The following ADARB2 variants were observed in gnomAD, a reference collection of about 807,000 sequenced individuals.
ADARB2 encodes inactive double-stranded RNA-specific editase B2.
ADARB2 carries 25 observed loss-of-function variants against 62.2 expected under a neutral mutation model. That is an observed-to-expected ratio of 0.40 (90% confidence interval 0.29 to 0.56). The LOEUF (loss-of-function observed/expected upper bound fraction) is 0.56, where lower values mean the gene tolerates loss of function less well. Ranked by LOEUF, ADARB2 falls within the 20% of genes least tolerant of loss-of-function variation. ADARB2 has a pLI of 0.43. For missense variants in ADARB2, 1,071 were observed against 1,077.4 expected, an observed-to-expected ratio of 0.99 and a Z score of 0.08; for synonymous variants, 572 against 500.8, an observed-to-expected ratio of 1.14 and a Z score of -1.90.
At chr10:1,226,820 A>G (rs1478641964) in intron 6 of ADARB2, among the ~76,000 whole-genome samples, 3 of 150,702 alleles carry the variant, frequency 2.0e-5, no homozygotes, top group Admixed American at 6.6e-5. Flanking sequence ...GTCTGCCTCT[A>G]TTGGGGGGGT....
At chr10:1,258,836 C>G (rs910713454) in intron 4 of ADARB2, among the ~76,000 whole-genome samples, 2 of 152,330 alleles carry the variant, frequency 1.3e-5, no homozygotes, top group African/African-American at 2.4e-5. Context: ...CCCAAATCAA[C>G]AGAATATACA....
chr10:1,250,437 C>T (rs560476491), intron 4 of ADARB2, among the ~76,000 whole-genome samples: 43 of 152,042 alleles, frequency 2.8e-4, no homozygotes, highest in Non-Finnish European at 5.6e-4. Flanking sequence ...GAAATGGGTT[C>T]GTTCCTGTGA....
chr10:1,442,224 T>C (rs906003321), intron 1 of ADARB2, among the ~76,000 whole-genome samples: 1 of 152,236 alleles, frequency 6.6e-6, no homozygotes, highest in African/African-American at 2.4e-5. Flanking sequence ...GAACCCCTTC[T>C]GGGGAAGATC....
At chr10:1,475,421 G>T (rs1831386339) in intron 1 of ADARB2, among the ~76,000 whole-genome samples, 1 of 152,198 alleles carries the variant, frequency 6.6e-6, no homozygotes, top group Non-Finnish European at 1.5e-5. Context: ...TCCCTGAGCA[G>T]CACATTACCC....
intron 1 of ADARB2, among the ~76,000 whole-genome samples, chr10:1,670,940 T>C (rs1377537020): frequency 2.0e-5 from 3 of 152,174 alleles, no homozygotes; most frequent in African/African-American, 7.2e-5. Context: ...CACAGACAAA[T>C]GTGAATCAGG....
intron 1 of ADARB2, among the ~76,000 whole-genome samples, chr10:1,530,254 G>A (rs1351722064): frequency 6.6e-6 from 1 of 152,214 alleles, no homozygotes; most frequent in Non-Finnish European, 1.5e-5. Context: ...CTCAGTGAGG[G>A]TCTCCCTCCT....
intron 3 of ADARB2, among the ~76,000 whole-genome samples, chr10:1,344,539 C>A (rs866800477): frequency 6.6e-6 from 1 of 152,210 alleles, no homozygotes; most frequent in African/African-American, 2.4e-5. Context: ...AGAGGGGAGA[C>A]GCCTGGGCAG....
intron 1 of ADARB2, among the ~76,000 whole-genome samples, chr10:1,495,579 A>T (rs993294595): frequency 6.6e-6 from 1 of 151,848 alleles, no homozygotes; most frequent in Admixed American, 6.6e-5. Flanking sequence ...AGCTGCCTCC[A>T]GTCTTTAAGG....
chr10:1,547,132 T>C (rs573048736), intron 1 of ADARB2, among the ~76,000 whole-genome samples: 3 of 152,284 alleles, frequency 2.0e-5, no homozygotes, highest in East Asian at 1.9e-4. Flanking sequence ...TCTGTGTGCA[T>C]AGCAGTGCAG....
At chr10:1,447,031 C>T (rs771312124) in intron 1 of ADARB2, among the ~76,000 whole-genome samples, 44 of 152,090 alleles carry the variant, frequency 2.9e-4, no homozygotes, top group Admixed American at 7.2e-4. Context: ...TTGTAAAACA[C>T]GAATGAAATT....
intron 1 of ADARB2, among the ~76,000 whole-genome samples, chr10:1,664,568 G>T (rs1456805912): frequency 6.6e-6 from 1 of 152,230 alleles, no homozygotes; most frequent in East Asian, 1.9e-4. Context: ...TTGGTAAGAA[G>T]AATTGCTGTT....
chr10:1,501,015 C>T (rs1420867627), intron 1 of ADARB2, among the ~76,000 whole-genome samples: 1 of 152,186 alleles, frequency 6.6e-6, no homozygotes, highest in African/African-American at 2.4e-5. Flanking sequence ...GATGGGATTA[C>T]AGACATGCAC....
rs374416475 is a variant in ADARB2, at chr10:1,552,903, G to T, written c.101-173743C>A. The stretch of plus-strand genomic sequence containing the variant: ...TATGTTTTGGTTTTTACCTCCTGTG[G>T]AACGGAACCCTTAATTAATTCGTTT... On this transcript the variant is annotated intron_variant, in intron 1 of 9. Coordinates refer to ENST00000381312, the MANE Select transcript of ADARB2 (RefSeq NM_018702.4). 3.7e-5 allele frequency among the ~76,000 whole-genome samples: 5 copies of T among 136,518 alleles called. No homozygotes were observed. In the South Asian group the frequency reaches 8.4e-4, roughly 23 times the overall value. 89.6% of individuals were successfully genotyped at this position (136,518 alleles called of 152,430 possible). A position where few individuals can be genotyped will look rare whatever the true frequency, so the allele number is the denominator to read the frequency against.
At chr10:1,508,635 C>T (rs1035522346) in intron 1 of ADARB2, among the ~76,000 whole-genome samples, 4 of 152,202 alleles carry the variant, frequency 2.6e-5, no homozygotes, top group African/African-American at 7.2e-5. Flanking sequence ...AAAAATTAGC[C>T]GGATGTGGTG....
intron 2 of ADARB2, among the ~76,000 whole-genome samples, chr10:1,374,068 T>C (rs1832400730): frequency 6.6e-6 from 1 of 152,176 alleles, no homozygotes; most frequent in African/African-American, 2.4e-5. Flanking sequence ...TGGCATGTCC[T>C]CCTGCCTCTG....
intron 7 of ADARB2, among the ~76,000 whole-genome samples, chr10:1,205,597 T>G (rs1225111407): frequency 6.6e-6 from 1 of 152,220 alleles, no homozygotes; most frequent in Non-Finnish European, 1.5e-5. Flanking sequence ...AAAATTCACA[T>G]GGAATCCTCA....
intron 5 of ADARB2, among the ~76,000 whole-genome samples, chr10:1,236,281 C>A (rs1272207831): frequency 3.8e-5 from 1 of 26,666 alleles, no homozygotes; most frequent in Non-Finnish European, 6.6e-5. Context: ...TTACTCCCCT[C>A]TGCCTCCCGG....
chr10:1,202,273 G>T (rs1275432458), intron 7 of ADARB2, among the ~76,000 whole-genome samples: 1 of 151,726 alleles, frequency 6.6e-6, no homozygotes, highest in Non-Finnish European at 1.5e-5. Context: ...TTTTAGACAG[G>T]GTCTCACTCT....
chr10:1,683,864 T>C (rs1389073546), intron 1 of ADARB2, among the ~76,000 whole-genome samples: 1 of 152,180 alleles, frequency 6.6e-6, no homozygotes, highest in African/African-American at 2.4e-5. Context: ...AGGCCGGATG[T>C]GAGGGGTGGA....
Sources: allele counts gnomAD v4.1 joint callset (sites outside exome capture counted in the v4.1 genomes callset), GRCh38; gene constraint gnomAD v4.1.1; transcripts MANE v1.5; gene names NCBI Gene and HGNC (gene_info 2026-07-23, HGNC 2026-07-21).